Variants in ANKS1B observed in about 807,000 individuals in gnomAD.
ANKS1B encodes the protein ankyrin repeat and sterile alpha motif domain containing 1B.
Under a neutral mutation model 148.3 loss-of-function variants are expected in ANKS1B, and 36 were observed. That is an observed-to-expected ratio of 0.24 (90% CI 0.19 to 0.32). The LOEUF is 0.32. Among genes scored for constraint, ANKS1B ranks in the 10% least tolerant of loss-of-function variants. The pLI is 1.00. For synonymous variants in ANKS1B, 542 were observed against 560.8 expected (o/e 0.97, Z 0.47); for missense variants, 1,157 against 1,542.6 (o/e 0.75, Z 4.19).
intron 12 of ANKS1B, among the ~76,000 whole-genome samples, chr12:99,282,662 C>T (rs2078630714): frequency 1.3e-5 from 2 of 152,044 alleles, no homozygotes; most frequent in Non-Finnish European, 2.9e-5. Flanking sequence ...ACAAGATTTA[C>T]TGATGTATCG....
chr12:99,501,561 A>G (rs1567222577), intron 10 of ANKS1B, among the ~76,000 whole-genome samples: 1 of 152,142 alleles, frequency 6.6e-6, no homozygotes, highest in Non-Finnish European at 1.5e-5. Context: ...CTCACAAAAA[A>G]TCATCTTTCC....
chr12:99,179,655 C>T (rs758925455), intron 14 of ANKS1B, among the ~76,000 whole-genome samples: 1 of 151,986 alleles, frequency 6.6e-6, no homozygotes, highest in South Asian at 2.1e-4. Flanking sequence ...TAACAAAGAG[C>T]AGACTCCTAA....
At chr12:99,139,544 G>A (rs2153791906) in intron 15 of ANKS1B, among the ~76,000 whole-genome samples, 1 of 142,584 alleles carries the variant, frequency 7.0e-6, no homozygotes, top group South Asian at 2.3e-4. Context: ...TTCCAAACTG[G>A]CTGGGATTAC....
At chr12:98,996,241 C>T (rs987331865) in intron 17 of ANKS1B, among the ~76,000 whole-genome samples, 1 of 152,112 alleles carries the variant, frequency 6.6e-6, no homozygotes, top group Non-Finnish European at 1.5e-5. Context: ...TAAACATTCA[C>T]GAATTACTGT....
chr12:99,238,042 C>T (rs1416523306), intron 14 of ANKS1B, among the ~76,000 whole-genome samples: 1 of 152,170 alleles, frequency 6.6e-6, no homozygotes, highest in Admixed American at 6.5e-5. Context: ...CTCATTGAGA[C>T]TGGTTGGACA....
chr12:99,963,064 C>T (rs1209842194), intron 1 of ANKS1B, among the ~76,000 whole-genome samples: 2 of 152,162 alleles, frequency 1.3e-5, no homozygotes, highest in Non-Finnish European at 2.9e-5. Context: ...GCACCCACCT[C>T]GGCCTCCCAA....
At chr12:98,985,693 TA>T (rs1298203443) in intron 17 of ANKS1B, among the ~76,000 whole-genome samples, 1 of 152,132 alleles carries the variant, frequency 6.6e-6, no homozygotes, top group Non-Finnish European at 1.5e-5. Flanking sequence ...TCTTTCATTT[TA>T]CTTCTAAGAT....
intron 12 of ANKS1B, among the ~76,000 whole-genome samples, chr12:99,376,343 G>A (rs1339051199): frequency 2.0e-5 from 3 of 152,302 alleles, no homozygotes; most frequent in Admixed American, 6.5e-5. Context: ...ACACTCAGGT[G>A]AGCATAGCTG....
At chr12:98,893,823 T>G (rs1216618221) in intron 17 of ANKS1B, 1 of 152,260 alleles carries the variant, frequency 6.6e-6, no homozygotes, top group African/African-American at 2.4e-5. Flanking sequence ...CTTCCTGAGC[T>G]GTCCATTTGT....
intron 19 of ANKS1B, among the ~76,000 whole-genome samples, chr12:98,810,415 T>C (rs1274471412): frequency 6.6e-6 from 1 of 152,178 alleles, no homozygotes; most frequent in African/African-American, 2.4e-5. Flanking sequence ...TTGTAACACA[T>C]TGAATATATG....
intron 10 of ANKS1B, among the ~76,000 whole-genome samples, chr12:99,458,923 C>T (rs750205936): frequency 1.3e-5 from 2 of 152,010 alleles, no homozygotes; most frequent in African/African-American, 2.4e-5. Flanking sequence ...AAGCCAGTAT[C>T]ACCATAATAC....
At chr12:99,958,342 G>A (rs2095354317) in intron 1 of ANKS1B, among the ~76,000 whole-genome samples, 1 of 152,142 alleles carries the variant, frequency 6.6e-6, no homozygotes, top group Admixed American at 6.5e-5. Context: ...AAAGAGTATG[G>A]ACTTTATTCA....
chr12:99,050,021 A>G (rs182720331), intron 17 of ANKS1B, among the ~76,000 whole-genome samples: 1 of 152,334 alleles, frequency 6.6e-6, no homozygotes, highest in Non-Finnish European at 1.5e-5. Context: ...ACTCATTACA[A>G]TGGTTCAGGA....
At chr12:99,691,468 C>T (rs558698170) in intron 8 of ANKS1B, among the ~76,000 whole-genome samples, 2 of 152,322 alleles carry the variant, frequency 1.3e-5, no homozygotes, top group Non-Finnish European at 2.9e-5. Flanking sequence ...TTTCTTCCAT[C>T]AGATACCCTA....
chr12:98,879,128 C>T (rs114387104), intron 17 of ANKS1B, among the ~76,000 whole-genome samples: 1,669 of 152,270 alleles, frequency 0.011, 23 homozygotes, highest in African/African-American at 0.035. Context: ...GGTTTGGAAG[C>T]ATTGTGCTTA....
intron 1 of ANKS1B, among the ~76,000 whole-genome samples, chr12:99,873,967 T>C (rs2091815939): frequency 6.6e-6 from 1 of 151,442 alleles, no homozygotes; most frequent in South Asian, 2.1e-4. Flanking sequence ...CAAATCTCCA[T>C]AATCTTGTGT....
intron 24 of ANKS1B, among the ~76,000 whole-genome samples, chr12:98,773,928 T>C (rs1047417663): frequency 6.6e-6 from 1 of 152,184 alleles, no homozygotes; most frequent in African/African-American, 2.4e-5. Flanking sequence ...TCCCTCGCCA[T>C]CATGCTTGCA....
At chr12:98,749,535 G>A (rs2098015439) in intron 26 of ANKS1B, among the ~76,000 whole-genome samples, 1 of 152,210 alleles carries the variant, frequency 6.6e-6, no homozygotes, top group African/African-American at 2.4e-5. Flanking sequence ...ATGTCAGATT[G>A]GGTGGTTAGG....
intron 14 of ANKS1B, among the ~76,000 whole-genome samples, chr12:99,224,310 C>T (rs1422387628): frequency 1.3e-5 from 2 of 152,120 alleles, no homozygotes; most frequent in African/African-American, 2.4e-5. Flanking sequence ...ATATAAATGA[C>T]CTCATTTGTC....
Sources: gnomAD v4.1 joint callset for allele counts (sites outside exome capture counted in the v4.1 genomes callset) on GRCh38, gnomAD v4.1.1 for gene constraint, MANE v1.5 for transcripts, NCBI Gene and HGNC (gene_info 2026-07-23, HGNC 2026-07-21) for gene names.